Variants in MTHFD1L observed in about 807,000 individuals in gnomAD.
The protein encoded by MTHFD1L is methylenetetrahydrofolate dehydrogenase (NADP+ dependent) 1 like, also known as monofunctional C1-tetrahydrofolate synthase, mitochondrial.
MTHFD1L carries 81 observed loss-of-function variants against 119.5 expected under a neutral mutation model. The observed-to-expected ratio is 0.68, with a 90% CI of 0.57 to 0.82. The LOEUF (loss-of-function observed/expected upper bound fraction) is 0.82, where lower values mean the gene tolerates loss of function less well. Among genes scored for constraint, MTHFD1L ranks in the 40% least tolerant of loss-of-function variants. The pLI, the probability that MTHFD1L is intolerant of heterozygous loss-of-function variation, is 0.00. For synonymous variants in MTHFD1L, 430 were observed against 475.2 expected, an observed-to-expected ratio of 0.90 and a Z score of 1.24; for missense variants, 1,125 against 1,253.4, an observed-to-expected ratio of 0.90 and a Z score of 1.55.
At position 150,951,043 on chromosome 6, in the gene MTHFD1L, T is replaced by G. The variant is rs548307852; in HGVS notation, c.1726+1910T>G. Among the ~76,000 whole-genome samples the G allele has an allele frequency of 1.0e-3, 144 of 139,040 alleles. 2 individuals are homozygous for G. Among genetic ancestry groups the G allele is most frequent in the African/African-American group, 3.7e-3 (139 of 37,422 alleles). The allele number at this position is 139,040 out of a possible 152,430, so 91.2% of individuals were successfully genotyped here. A position where few individuals can be genotyped will look rare whatever the true frequency, so the allele number is the denominator to read the frequency against. Reference sequence around the variant, plus strand: ...CTTGGAAACTTTATGGTTTTTTTTTTGTTTTTTTTTTGAGACAGGGCCTCA... The same window carrying G: ...CTTGGAAACTTTATGGTTTTTTTTTGGTTTTTTTTTTGAGACAGGGCCTCA... On this transcript the variant is annotated intron_variant, in intron 16 of 27. Coordinates refer to ENST00000367321, the MANE Select transcript of MTHFD1L (RefSeq NM_015440.5).
chr6:150,912,858 T>A (rs1349511779), intron 8 of MTHFD1L: 1 of 251,254 alleles, frequency 4.0e-6, no homozygotes, highest in African/African-American at 2.2e-5. Flanking sequence ...AACCTCCCAA[T>A]GGAGTCCTGC....
chr6:151,086,442 A>G lies in MTHFD1L; in HGVS notation c.2848-6025A>G, dbSNP rs147088224. On this transcript the variant is annotated intron_variant, in intron 26 of 27. Transcript: ENST00000367321. ...CACATCCAAAGAAAAGGGAAGAGACAGAAAGAAAAGGCCTAATTTCTGAGC... is the reference window on the plus strand; with the variant it reads ...CACATCCAAAGAAAAGGGAAGAGACGGAAAGAAAAGGCCTAATTTCTGAGC... Among the ~76,000 whole-genome samples the G allele has an allele frequency of 3.9e-3, 598 of 152,328 alleles. 5 individuals are homozygous for G. The highest frequency in any genetic ancestry group is 0.014 in the African/African-American group (577 of 41,586).
At chr6:151,093,408 A>AAGCGTAGTGGCTCACACCTGTAATCCC (rs71014542) in intron 27 of MTHFD1L, among the ~76,000 whole-genome samples, 1 of 151,416 alleles carries the variant, frequency 6.6e-6, no homozygotes, top group Non-Finnish European at 1.5e-5. Context: ...ACTCTCAGCC[A>AAGCGTAGTGGCTCACACCTGTAATCCC]AGCACTTTGG....
chr6:151,004,080 C>A (rs117652257), intron 20 of MTHFD1L, among the ~76,000 whole-genome samples: 2 of 150,688 alleles, frequency 1.3e-5, no homozygotes, highest in East Asian at 2.0e-4. Context: ...CCAGGACTCA[C>A]GCCTGTAATC....
intron 7 of MTHFD1L, among the ~76,000 whole-genome samples, chr6:150,903,203 A>ATT (rs774695918): frequency 0.011 from 945 of 84,982 alleles, 48 homozygotes; most frequent in African/African-American, 0.018. Context: ...TGGCTGCAAA[A>ATT]TTTTTTTTTT....
intron 7 of MTHFD1L, among the ~76,000 whole-genome samples, chr6:150,888,382 A>C (rs1345995608): frequency 6.6e-6 from 1 of 152,212 alleles, no homozygotes; most frequent in Non-Finnish European, 1.5e-5. Flanking sequence ...ATACAGCAGG[A>C]AGTAGGGTTT....
In MTHFD1L at chr6:150,891,325, C is replaced by G. The variant is rs541946808; in HGVS notation, c.780+3344C>G. The stretch of plus-strand genomic sequence containing the variant: ...AAAACACTGTTCAGTGAACAAAAAC[C>G]CAAGTTGCAGAAGGATGTATTTCAT... On this transcript the variant is annotated intron_variant, in intron 7 of 27. Coordinates refer to ENST00000367321, the MANE Select transcript of MTHFD1L (RefSeq NM_015440.5). Among the ~76,000 whole-genome samples the G allele has an allele frequency of 5.3e-5, 8 of 151,456 alleles. No individual in the cohort carries two copies. The East Asian group carries it at 1.5e-3, about 29-fold the overall frequency.
intron 26 of MTHFD1L, among the ~76,000 whole-genome samples, chr6:151,070,778 T>C (rs181895937): frequency 6.0e-4 from 92 of 152,334 alleles, no homozygotes; most frequent in Non-Finnish European, 1.2e-3. Context: ...GAAAAGAGTT[T>C]TGTGTAATGT....
rs190596530 is a variant in MTHFD1L, at chr6:150,915,617, T to A, written c.893-2960T>A. On this transcript the variant is annotated intron_variant, in intron 8 of 27. Coordinates refer to ENST00000367321, the MANE Select transcript of MTHFD1L (RefSeq NM_015440.5). ...TTTCTTTTTTTCTTTTTTAGATTTT[T>A]TGAGATGAAGTCTCACTCTGTTGCC... Among the ~76,000 whole-genome samples, 290 of 152,352 alleles carry A rather than the reference T, an allele frequency of 1.9e-3. 2 individuals are homozygous for A. The highest frequency in any genetic ancestry group is 6.5e-3 in the African/African-American group (270 of 41,582).
chr6:150,933,708 G>A (rs930374514), intron 11 of MTHFD1L, among the ~76,000 whole-genome samples: 1 of 152,128 alleles, frequency 6.6e-6, no homozygotes, highest in East Asian at 1.9e-4. Context: ...TGACTTTCCT[G>A]TTCTGGAAAC....
intron 8 of MTHFD1L, among the ~76,000 whole-genome samples, chr6:150,911,272 A>C (rs1383091585): frequency 1.3e-5 from 2 of 152,194 alleles, no homozygotes; most frequent in African/African-American, 4.8e-5. Flanking sequence ...TATTAGTATC[A>C]GTTTACTAAT....
At chr6:151,028,647 A>G (rs1197791649) in intron 24 of MTHFD1L, among the ~76,000 whole-genome samples, 1 of 152,158 alleles carries the variant, frequency 6.6e-6, no homozygotes. Flanking sequence ...TCAGGGGCCA[A>G]GGGGAGGGGC....
intron 8 of MTHFD1L, among the ~76,000 whole-genome samples, chr6:150,914,634 G>A (rs1454905949): frequency 1.3e-5 from 2 of 152,330 alleles, no homozygotes; most frequent in Middle Eastern, 3.4e-3. Flanking sequence ...CTCCAGCCTG[G>A]GCAACAGAGC....
chr6:151,099,674 G>C (rs1471513054), intron 27 of MTHFD1L: 2 of 1,606,978 alleles, frequency 1.2e-6, no homozygotes, highest in African/African-American at 2.7e-5. Flanking sequence ...AGAAGATTCA[G>C]GGTCCAGATC....
chr6:150,932,619 A>C (rs1653610319), intron 11 of MTHFD1L, among the ~76,000 whole-genome samples: 4 of 151,998 alleles, frequency 2.6e-5, no homozygotes, highest in Admixed American at 2.6e-4. Flanking sequence ...AAAATACAAA[A>C]ATTAGCCAGG....
intron 26 of MTHFD1L, among the ~76,000 whole-genome samples, chr6:151,072,621 T>C (rs1562629073): frequency 6.6e-6 from 1 of 152,026 alleles, no homozygotes. Context: ...AAACCCCGTC[T>C]CTACCAAAAA....
At chr6:150,998,995 A>AAAAAAAAATGTAT (rs986639098) in intron 20 of MTHFD1L, among the ~76,000 whole-genome samples, 1 of 143,586 alleles carries the variant, frequency 7.0e-6, no homozygotes, top group African/African-American at 2.6e-5. Flanking sequence ...GTCTTAAAAA[A>AAAAAAAAATGTAT]ATATATATAC....
intron 20 of MTHFD1L, among the ~76,000 whole-genome samples, chr6:150,974,724 C>CTTTTTTTTTTTTTTTT (rs58490721): frequency 1.4e-5 from 2 of 144,620 alleles, no homozygotes; most frequent in Non-Finnish European, 3.1e-5. Context: ...AATTCTCTTC[C>CTTTTTTTTTTTTTTTT]TTTTTTTTTT....
chr6:150,959,035 A>G (rs1796055453), intron 17 of MTHFD1L: 1 of 213,378 alleles, frequency 4.7e-6, no homozygotes, highest in African/African-American at 2.3e-5. Context: ...TCTCATATGC[A>G]CTGTTTATAA....
Sources: gnomAD v4.1 joint callset for allele counts (sites outside exome capture counted in the v4.1 genomes callset) on GRCh38, gnomAD v4.1.1 for gene constraint, MANE v1.5 for transcripts, NCBI Gene and HGNC (gene_info 2026-07-23, HGNC 2026-07-21) for gene names.